FAM222B: variants seen among roughly 807,000 people sequenced by gnomAD.
FAM222B encodes protein FAM222B.
In FAM222B, 12 loss-of-function variants were observed where a neutral mutation model predicts 38.0. The observed-to-expected ratio is 0.32, with a 90% CI of 0.20 to 0.51. The LOEUF (loss-of-function observed/expected upper bound fraction) is 0.51. Ranked by LOEUF, FAM222B falls within the 20% of genes least tolerant of loss-of-function variation. The pLI is 0.97. For synonymous variants in FAM222B, 329 were observed against 317.2 expected (o/e 1.04, Z -0.40); for missense variants, 716 against 754.2 (o/e 0.95, Z 0.59).
At chr17:28,820,424 T>C (rs2038167869) in intron 1 of FAM222B, among the ~76,000 whole-genome samples, 1 of 152,194 alleles carries the variant, frequency 6.6e-6, no homozygotes, top group African/African-American at 2.4e-5. Flanking sequence ...AATCACCTAA[T>C]CCTGCATTAA....
At chr17:28,795,729 T>C (rs904422697) in intron 1 of FAM222B, among the ~76,000 whole-genome samples, 1 of 152,230 alleles carries the variant, frequency 6.6e-6, no homozygotes, top group African/African-American at 2.4e-5. Context: ...GCCAATGTCC[T>C]ACAGACTTTT....
intron 1 of FAM222B, among the ~76,000 whole-genome samples, chr17:28,840,877 C>G (rs189602677): frequency 6.6e-6 from 1 of 152,052 alleles, no homozygotes; most frequent in African/African-American, 2.4e-5. Flanking sequence ...AGGAGAATTG[C>G]TTGAACCCAG....
chr17:28,845,227 T>G (rs1352611591), upstream of FAM222B, among the ~76,000 whole-genome samples: 1 of 148,810 alleles, frequency 6.7e-6, no homozygotes, highest in South Asian at 2.1e-4. Context: ...CGGTGAAACC[T>G]CATCTCTACT....
chr17:28,792,083 G>A (rs1193658609), intron 1 of FAM222B, among the ~76,000 whole-genome samples: 5 of 150,956 alleles, frequency 3.3e-5, no homozygotes, highest in Admixed American at 1.3e-4. Context: ...AGGCCAAGGC[G>A]GGCGGATCGC....
chr17:28,803,557 A>C (rs567180602), intron 1 of FAM222B, among the ~76,000 whole-genome samples: 1 of 152,068 alleles, frequency 6.6e-6, no homozygotes, highest in African/African-American at 2.4e-5. Flanking sequence ...TCAGTCTCCC[A>C]AAGTGTTGGG....
chr17:28,812,803 C>A (rs1041731019), intron 1 of FAM222B, among the ~76,000 whole-genome samples: 3 of 151,520 alleles, frequency 2.0e-5, no homozygotes, highest in South Asian at 2.1e-4. Flanking sequence ...GACCCCCCCC[C>A]ACCCACGCGA....
intron 1 of FAM222B, among the ~76,000 whole-genome samples, chr17:28,841,543 T>A (rs2039038632): frequency 6.6e-6 from 1 of 151,888 alleles, no homozygotes; most frequent in Non-Finnish European, 1.5e-5. Flanking sequence ...CCCGGCTGAT[T>A]TTTTGTATTT....
Position 28,759,818 on chromosome 17 carries a change from C to T in FAM222B, c.141G>A (p.Ala47=), listed in dbSNP as rs555230704. ...GGTTGTTTGCGACCTTCTTAGCATA[C>T]GCATCCAATTCGGCTGGGGTAGGAT... is the stretch of plus-strand genomic sequence containing the variant. ...AHYPTPAELD[A]YAKKVANNPL... The change falls in exon 3 of 3, where the codon GCG becomes GCA. Residue 47 remains alanine (A), a synonymous_variant. Transcript: ENST00000581407. This position sits in a 1 kb window ranked among gnomAD's most constrained non-coding sequence, Gnocchi z 4.8. 7.5e-6 allele frequency: 12 copies of T among 1,595,430 alleles called. No individual in the cohort carries two copies. Among genetic ancestry groups the T allele is most frequent in the South Asian group, 4.5e-5 (4 of 88,158 alleles).
intron 1 of FAM222B, among the ~76,000 whole-genome samples, chr17:28,784,566 C>T (rs148431882): frequency 1.8e-4 from 26 of 141,806 alleles, no homozygotes; most frequent in African/African-American, 6.7e-4. Context: ...TCACTGGGCG[C>T]GGTGGCTCAC....
intron 1 of FAM222B, among the ~76,000 whole-genome samples, chr17:28,801,892 G>A (rs2037247938): frequency 6.6e-6 from 1 of 151,900 alleles, no homozygotes; most frequent in South Asian, 2.1e-4. Context: ...TAATGCTTAT[G>A]CTTCTCCTTT....
chr17:28,852,855 G>A (rs879712183), intron 1 of FAM222B, among the ~76,000 whole-genome samples: 11 of 151,950 alleles, frequency 7.2e-5, no homozygotes, highest in Non-Finnish European at 1.5e-4. Flanking sequence ...CAAGGAGTTC[G>A]TAACCAGCCT....
chr17:28,828,171 T>C (rs1050017057), intron 1 of FAM222B, among the ~76,000 whole-genome samples: 1 of 129,464 alleles, frequency 7.7e-6, no homozygotes, highest in African/African-American at 3.0e-5. Flanking sequence ...AGTGCAATGG[T>C]GCGATCTCGG....
At chr17:28,829,401 C>G (rs2038574994) in intron 1 of FAM222B, among the ~76,000 whole-genome samples, 1 of 149,564 alleles carries the variant, frequency 6.7e-6, no homozygotes, top group African/African-American at 2.5e-5. Flanking sequence ...AAACTCCCGA[C>G]CTCAGGTGAT....
At chr17:28,792,246 A>C (rs1451514491) in intron 1 of FAM222B, among the ~76,000 whole-genome samples, 1 of 148,756 alleles carries the variant, frequency 6.7e-6, no homozygotes, top group Non-Finnish European at 1.5e-5. Context: ...TGGGAGGCGG[A>C]GCTTGCAGTG....
At chr17:28,776,910 A>G (rs1424633292) in intron 1 of FAM222B, 4 of 152,318 alleles carry the variant, frequency 2.6e-5, no homozygotes, top group East Asian at 1.9e-4. Flanking sequence ...TTCAAAAATT[A>G]CAAGTTTATC....
chr17:28,815,924 G>T (rs1259051006), intron 1 of FAM222B, among the ~76,000 whole-genome samples: 1 of 150,256 alleles, frequency 6.7e-6, no homozygotes, highest in Non-Finnish European at 1.5e-5. Context: ...CTGAGATCGT[G>T]CCACTGCACT....
intron 2 of FAM222B, 112 bp downstream of exon 2, chr17:28,766,470 AAAAG>A (rs1332545686): frequency 4.4e-5 from 35 of 798,268 alleles, no homozygotes; most frequent in Admixed American, 1.4e-4. Context: ...AAAAAAAAAA[AAAAG>A]AAAGGTGTCA....
At chr17:28,788,663 G>A (rs565009201) in intron 1 of FAM222B, among the ~76,000 whole-genome samples, 4 of 152,194 alleles carry the variant, frequency 2.6e-5, no homozygotes, top group Admixed American at 1.3e-4. Context: ...TGAGTTAATC[G>A]GGGAGGAAAA....
chr17:28,839,523 G>A (rs1046875448), intron 1 of FAM222B, among the ~76,000 whole-genome samples: 3 of 152,098 alleles, frequency 2.0e-5, no homozygotes, highest in African/African-American at 7.2e-5. Context: ...GCATTTATGC[G>A]CTTATTTGAA....
Sources: gnomAD v4.1 joint callset for allele counts (sites outside exome capture counted in the v4.1 genomes callset) on GRCh38, gnomAD v4.1.1 for gene constraint, Gnocchi (gnomAD v3.1) non-coding constraint, MANE v1.5 for transcripts, NCBI Gene and HGNC (gene_info 2026-07-23, HGNC 2026-07-21) for gene names.